CDK5RAP2: variants seen among roughly 807,000 people sequenced by gnomAD.
The protein encoded by CDK5RAP2 is CDK5 regulatory subunit associated protein 2, also known as CDK5 regulatory subunit-associated protein 2.
CDK5RAP2 carries 147 observed loss-of-function variants against 232.9 expected under a neutral mutation model. The ratio of observed to expected loss-of-function variants is 0.63; its 90% confidence interval spans 0.55 to 0.72. The LOEUF (loss-of-function observed/expected upper bound fraction) is 0.72. CDK5RAP2 is among the 30% of genes least tolerant of loss of function. The probability of loss-of-function intolerance (pLI) is 0.00; values close to 1 mark genes in which losing one functional copy is unlikely to be tolerated. For synonymous variants in CDK5RAP2, 833 were observed against 833.7 expected (o/e 1.00, Z 0.01); for missense variants, 2,195 against 2,231.5 (o/e 0.98, Z 0.33).
intron 15 of CDK5RAP2, 45 bp from the exon 16 acceptor site, chr9:120,471,923 T>C: frequency 1.2e-6 from 2 of 1,612,676 alleles, no homozygotes; most frequent in Non-Finnish European, 1.7e-6. Flanking sequence ...GACCTATTTG[T>C]ACTTTTAGAT....
At chr9:120,519,268 G>C (rs951709908) in intron 11 of CDK5RAP2, among the ~76,000 whole-genome samples, 4 of 150,744 alleles carry the variant, frequency 2.7e-5, no homozygotes, top group Admixed American at 6.6e-5. Flanking sequence ...ACTTTTTTTT[G>C]TCATAACTCT....
At chr9:120,453,397 T>C in intron 21 of CDK5RAP2, 59 bp downstream of exon 21, 1 of 1,494,050 alleles carries the variant, frequency 6.7e-7, no homozygotes, top group Non-Finnish European at 9.1e-7. Context: ...TTAAAGGTGA[T>C]TTTTAAAGTT....
At position 120,576,651 on chromosome 9, in the gene CDK5RAP2, G is replaced by A. The variant is rs536110117; in HGVS notation, c.59+3269C>T. ...CACGAGGCAGAGGTTGCGGTGAGCCGAAATTGCGCCACTGCACTCCAGCCT... is the reference window on the plus strand; with the variant it reads ...CACGAGGCAGAGGTTGCGGTGAGCCAAAATTGCGCCACTGCACTCCAGCCT... On this transcript the variant is annotated intron_variant, in intron 1 of 37. Transcript: ENST00000349780. Among the ~76,000 whole-genome samples the A allele has an allele frequency of 4.0e-4, 61 of 152,030 alleles. 1 individual carries two copies. Among genetic ancestry groups the A allele is most frequent in the African/African-American group, 1.3e-3 (53 of 41,454 alleles).
chr9:120,509,142 A>G (rs1008478025), intron 12 of CDK5RAP2, among the ~76,000 whole-genome samples: 1 of 152,226 alleles, frequency 6.6e-6, no homozygotes, highest in African/African-American at 2.4e-5. Context: ...CTCCCTTCTT[A>G]TAGGGATCAA....
At chr9:120,411,330 G>T in intron 29 of CDK5RAP2, 28 bp downstream of exon 29, 1 of 1,360,592 alleles carries the variant, frequency 7.3e-7, no homozygotes, top group Non-Finnish European at 1.1e-6. Context: ...TGGCGTTCCA[G>T]ACTTCCAGTG....
intron 6 of CDK5RAP2, among the ~76,000 whole-genome samples, chr9:120,537,306 A>G (rs187891994): frequency 8.5e-4 from 129 of 152,298 alleles, no homozygotes; most frequent in African/African-American, 2.9e-3. Flanking sequence ...AAGAGCTACC[A>G]TGAGTCTCTA....
At chr9:120,425,306 T>G (rs1178191033) in intron 25 of CDK5RAP2, among the ~76,000 whole-genome samples, 1 of 152,184 alleles carries the variant, frequency 6.6e-6, no homozygotes, top group Non-Finnish European at 1.5e-5. Context: ...TACTGTAGGA[T>G]TCACAGGGAG....
intron 5 of CDK5RAP2, among the ~76,000 whole-genome samples, chr9:120,540,197 A>C (rs2041571288): frequency 6.6e-6 from 1 of 152,216 alleles, no homozygotes; most frequent in Admixed American, 6.5e-5. Flanking sequence ...GAAGATAAAC[A>C]GTGTCGGACA....
intron 11 of CDK5RAP2, among the ~76,000 whole-genome samples, chr9:120,522,867 C>T (rs1209637904): frequency 6.6e-6 from 1 of 152,218 alleles, no homozygotes; most frequent in Non-Finnish European, 1.5e-5. Flanking sequence ...GGAAAAAATG[C>T]ATTTACAAGT....
chr9:120,554,283 G>A (rs1021709047), intron 3 of CDK5RAP2, among the ~76,000 whole-genome samples: 8 of 152,192 alleles, frequency 5.3e-5, no homozygotes, highest in Non-Finnish European at 7.3e-5. Context: ...TTAAATAATA[G>A]ATAAATGCAA....
At chr9:120,537,398 C>T (rs912625569) in intron 6 of CDK5RAP2, among the ~76,000 whole-genome samples, 2 of 152,246 alleles carry the variant, frequency 1.3e-5, no homozygotes, top group South Asian at 4.1e-4. Context: ...CAGTGCCGCC[C>T]CCACCACTAT....
intron 2 of CDK5RAP2, chr9:120,571,758 T>C (rs962767874): frequency 2.1e-5 from 12 of 575,300 alleles, no homozygotes; most frequent in African/African-American, 1.7e-4. Flanking sequence ...ATGAAACTCA[T>C]GAAGTATGGC....
At chr9:120,556,940 C>G (rs926703705) in intron 3 of CDK5RAP2, among the ~76,000 whole-genome samples, 1 of 152,184 alleles carries the variant, frequency 6.6e-6, no homozygotes, top group Non-Finnish European at 1.5e-5. Flanking sequence ...CAAAAAACGA[C>G]TACCCCGCCA....
chr9:120,534,751 C>T (rs1442269204), intron 7 of CDK5RAP2, among the ~76,000 whole-genome samples: 1 of 152,206 alleles, frequency 6.6e-6, no homozygotes, highest in East Asian at 1.9e-4. Flanking sequence ...GGAATTCTGC[C>T]AGTCTTTTCT....
chr9:120,558,717 T>C (rs905690547), intron 3 of CDK5RAP2, among the ~76,000 whole-genome samples: 17 of 152,180 alleles, frequency 1.1e-4, no homozygotes, highest in African/African-American at 3.9e-4. Flanking sequence ...ATCTCATCCC[T>C]TCCACCTCAG....
At chr9:120,441,987 T>G (rs2035927195) in intron 23 of CDK5RAP2, among the ~76,000 whole-genome samples, 1 of 152,186 alleles carries the variant, frequency 6.6e-6, no homozygotes, top group South Asian at 2.1e-4. Context: ...AGGCTTTTTT[T>G]CCAGTGAATC....
At chr9:120,499,194 C>T (rs1441921460) in intron 12 of CDK5RAP2, among the ~76,000 whole-genome samples, 1 of 152,094 alleles carries the variant, frequency 6.6e-6, no homozygotes, top group African/African-American at 2.4e-5. Flanking sequence ...TACTGAAATA[C>T]TGATAAAGTA....
intron 25 of CDK5RAP2, among the ~76,000 whole-genome samples, chr9:120,428,412 T>C (rs1445728918): frequency 6.6e-6 from 1 of 152,136 alleles, no homozygotes; most frequent in Non-Finnish European, 1.5e-5. Context: ...CAATAAAGAA[T>C]GATAAAGGGG....
intron 35 of CDK5RAP2, among the ~76,000 whole-genome samples, chr9:120,398,993 G>C (rs78085355): frequency 0.018 from 2,797 of 152,336 alleles, 50 homozygotes; most frequent in Non-Finnish European, 0.031. Flanking sequence ...AAAGTGGCTA[G>C]AGGCAATTTA....
Sources: allele counts gnomAD v4.1 joint callset (sites outside exome capture counted in the v4.1 genomes callset), GRCh38; gene constraint gnomAD v4.1.1; transcripts MANE v1.5; gene names NCBI Gene and HGNC (gene_info 2026-07-23, HGNC 2026-07-21).